Variants in PPARGC1A observed in about 807,000 individuals in gnomAD.
PPARGC1A encodes the protein peroxisome proliferator-activated receptor gamma coactivator 1-alpha.
A neutral mutation model predicts 88.7 loss-of-function variants in PPARGC1A; 25 were observed. The ratio of observed to expected loss-of-function variants is 0.28; its 90% CI spans 0.21 to 0.39. The LOEUF is 0.39. Among genes scored for constraint, PPARGC1A ranks in the 10% least tolerant of loss-of-function variants. The probability of loss-of-function intolerance (pLI) is 1.00; values close to 1 mark genes in which losing one functional copy is unlikely to be tolerated. For missense variants in PPARGC1A, 880 were observed against 968.7 expected (o/e 0.91, Z 1.22); for synonymous variants, 363 against 355.6 (o/e 1.02, Z -0.24).
the PPARGC1A span, among the ~76,000 whole-genome samples, chr4:24,188,384 G>A: frequency 5.9e-5 from 9 of 152,194 alleles, no homozygotes; most frequent in Non-Finnish European, 1.2e-4. Flanking sequence ...AGGTGAGTCT[G>A]GAGATCAGGC....
At chr4:23,845,642 T>C (rs1409274093) in intron 2 of PPARGC1A, among the ~76,000 whole-genome samples, 2 of 152,122 alleles carry the variant, frequency 1.3e-5, no homozygotes, top group East Asian at 3.9e-4. Flanking sequence ...TCCAAGAAAC[T>C]AGGAGCCACT....
At chr4:23,800,965 TTC>T (rs1718568309) in intron 12 of PPARGC1A, among the ~76,000 whole-genome samples, 1 of 148,496 alleles carries the variant, frequency 6.7e-6, no homozygotes, top group African/African-American at 2.5e-5. Context: ...AGGTGTTTCT[TTC>T]TTTTTTTTTT....
the PPARGC1A span, among the ~76,000 whole-genome samples, chr4:24,001,949 C>G: frequency 2.0e-5 from 3 of 152,170 alleles, no homozygotes; most frequent in Admixed American, 6.5e-5. Flanking sequence ...AATCATACAT[C>G]TATCAAAAAC....
chr4:23,989,080 T>C, the PPARGC1A span, among the ~76,000 whole-genome samples: 1 of 151,526 alleles, frequency 6.6e-6, no homozygotes, highest in East Asian at 1.9e-4. Context: ...GATGCAGACA[T>C]GGCTATGCAC....
chr4:23,856,701 G>A (rs940107086), intron 2 of PPARGC1A, among the ~76,000 whole-genome samples: 1 of 152,010 alleles, frequency 6.6e-6, no homozygotes, highest in Non-Finnish European at 1.5e-5. Context: ...AGATACAGTG[G>A]CCTATAAAAC....
chr4:23,827,625 C>T (rs973837626), intron 5 of PPARGC1A, among the ~76,000 whole-genome samples: 1 of 152,066 alleles, frequency 6.6e-6, no homozygotes, highest in Non-Finnish European at 1.5e-5. Context: ...AGAGGTTTTC[C>T]CCAAATCACC....
chr4:23,992,418 T>C, the PPARGC1A span, among the ~76,000 whole-genome samples: 1 of 152,110 alleles, frequency 6.6e-6, no homozygotes, highest in East Asian at 1.9e-4. Flanking sequence ...GTACACATGA[T>C]CTCATTTAGC....
chr4:23,864,343 A>G (rs931759897), intron 2 of PPARGC1A, among the ~76,000 whole-genome samples: 3 of 152,218 alleles, frequency 2.0e-5, no homozygotes, highest in Admixed American at 6.5e-5. Flanking sequence ...GCATCCCCAA[A>G]GGAAGGGAAT....
chr4:24,413,868 C>G, the PPARGC1A span, among the ~76,000 whole-genome samples: 1 of 152,132 alleles, frequency 6.6e-6, no homozygotes, highest in Non-Finnish European at 1.5e-5. Flanking sequence ...ATATGCCAGG[C>G]CCCAGATTAG....
In PPARGC1A at chr4:23,824,205, ACT is replaced by A. The variant is rs1723503049; in HGVS notation, c.877+73_877+74del. The A allele has an allele frequency of 1.0e-5, 13 of 1,260,500 alleles. No homozygotes were observed. The East Asian group carries it at 1.6e-4, about 16-fold the overall frequency. 78.1% of individuals were successfully genotyped at this position (1,260,500 alleles called of 1,614,324 possible). On this transcript the variant is annotated intron_variant, in intron 7 of 12. Coordinates refer to ENST00000264867, the MANE Select transcript of PPARGC1A (RefSeq NM_013261.5). The stretch of plus-strand genomic sequence containing the variant: ...ATTTCATTAACCACATAGACAGTAC[ACT>A]CTGTTATCTTATTACACACACACAC...
chr4:24,234,953 T>C, the PPARGC1A span, among the ~76,000 whole-genome samples: 3 of 152,318 alleles, frequency 2.0e-5, no homozygotes, highest in African/African-American at 7.2e-5. Context: ...TGGAGACACG[T>C]TAGCCTCTGC....
the PPARGC1A span, among the ~76,000 whole-genome samples, chr4:23,922,401 G>A: frequency 2.2e-3 from 339 of 152,252 alleles, 1 homozygote; most frequent in African/African-American, 7.3e-3. Context: ...CCATCGAAGC[G>A]TTTCTCCTCC....
At chr4:24,113,418 A>G in the PPARGC1A span, among the ~76,000 whole-genome samples, 1 of 152,360 alleles carries the variant, frequency 6.6e-6, no homozygotes, top group Non-Finnish European at 1.5e-5. Flanking sequence ...AAACTGTCTT[A>G]TAAATTGCTT....
chr4:23,969,788 T>C, the PPARGC1A span, among the ~76,000 whole-genome samples: 1 of 152,150 alleles, frequency 6.6e-6, no homozygotes, highest in African/African-American at 2.4e-5. Context: ...CGTTGGGAGT[T>C]CCAGACATAT....
the PPARGC1A span, among the ~76,000 whole-genome samples, chr4:24,390,605 TA>T: frequency 6.6e-6 from 1 of 152,114 alleles, no homozygotes; most frequent in Non-Finnish European, 1.5e-5. Flanking sequence ...CAATATTTTT[TA>T]CGTCATCATA....
chr4:24,305,133 G>GTGTATATA, the PPARGC1A span, among the ~76,000 whole-genome samples: 58 of 142,912 alleles, frequency 4.1e-4, 1 homozygote, highest in African/African-American at 1.4e-3. Flanking sequence ...ATATGTGTAT[G>GTGTATATA]TATATATATA....
At chr4:24,284,171 G>T in the PPARGC1A span, among the ~76,000 whole-genome samples, 1 of 151,618 alleles carries the variant, frequency 6.6e-6, no homozygotes, top group Non-Finnish European at 1.5e-5. Flanking sequence ...TGGTGGGGCA[G>T]GGGGGCACCT....
intron 1 of PPARGC1A, among the ~76,000 whole-genome samples, chr4:23,898,241 A>G (rs1326340574): frequency 9.2e-5 from 14 of 152,270 alleles, no homozygotes; most frequent in Non-Finnish European, 1.5e-4. Flanking sequence ...ATATTTTACC[A>G]TAACAGTATT....
chr4:24,329,852 A>C, the PPARGC1A span, among the ~76,000 whole-genome samples: 1 of 152,184 alleles, frequency 6.6e-6, no homozygotes, highest in African/African-American at 2.4e-5. Context: ...AATCTAACAA[A>C]GCAAACCCAG....
Sources: allele counts gnomAD v4.1 joint callset (sites outside exome capture counted in the v4.1 genomes callset), GRCh38; gene constraint gnomAD v4.1.1; transcripts MANE v1.5; gene names NCBI Gene and HGNC (gene_info 2026-07-23, HGNC 2026-07-21).